FEZ2: variants seen among roughly 807,000 people sequenced by gnomAD.
The protein encoded by FEZ2 is fasciculation and elongation protein zeta 2, also known as fasciculation and elongation protein zeta-2.
In FEZ2, 51 loss-of-function variants were observed where a neutral mutation model predicts 40.4. The ratio of observed to expected loss-of-function variants is 1.26; its 90% CI spans 1.01 to 1.59. FEZ2 has a LOEUF of 1.59. Among genes scored for constraint, FEZ2 ranks in the 40% most tolerant of loss-of-function variants. The pLI is 0.00. For missense variants in FEZ2, 640 were observed against 438.3 expected (o/e 1.46, Z -4.11); for synonymous variants, 242 against 172.0 (o/e 1.41, Z -3.18).
At chr2:36,571,572 T>C (rs1483345521) in intron 5 of FEZ2, among the ~76,000 whole-genome samples, 1 of 151,690 alleles carries the variant, frequency 6.6e-6, no homozygotes, top group Non-Finnish European at 1.5e-5. Context: ...GGAGAACCGC[T>C]TGAACCCAGG....
At chr2:36,577,418 C>T (rs1288581773) in intron 5 of FEZ2, among the ~76,000 whole-genome samples, 5 of 152,094 alleles carry the variant, frequency 3.3e-5, no homozygotes, top group Non-Finnish European at 5.9e-5. Context: ...GCACCACACC[C>T]GGCTAATTTT....
At chr2:36,586,052 G>T (rs1271238928) in intron 2 of FEZ2, among the ~76,000 whole-genome samples, 1 of 151,992 alleles carries the variant, frequency 6.6e-6, no homozygotes, top group Admixed American at 6.5e-5. Context: ...TATGACAGCT[G>T]TTCCTTTAAT....
In FEZ2 at chr2:36,583,235, A is replaced by C. The variant is rs186819040; in HGVS notation, c.492+118T>G. 1.3e-5 allele frequency: 8 copies of C among 635,028 alleles called. No homozygotes were observed. In the South Asian group the frequency reaches 1.5e-4, roughly 12 times the overall value. 39.3% of individuals were successfully genotyped at this position (635,028 alleles called of 1,614,324 possible). A position where few individuals can be genotyped will look rare whatever the true frequency, so the allele number is the denominator to read the frequency against. The stretch of plus-strand genomic sequence containing the variant: ...AAGAGTTAACTATTAAGCCTGTATA[A>C]CCAGAAAAAAATAGGAAAGATAAGT... On this transcript the variant is annotated intron_variant, in intron 3 of 7. Transcript: ENST00000405912.
Position 36,598,021 on chromosome 2 carries a change from CCCGCCTCGGCCCCCGCCT to C in FEZ2, c.104_121del (p.Glu35_Ala40del), listed in dbSNP as rs1426108520. Reference sequence around the variant, plus strand: ...GGCCGGGAAACCGTCGGCGCCCCCACCCGCCTCGGCCCCCGCCTCCGCCCCAGGCTCGGGGCTCGCGTT... The same window carrying C: ...GGCCGGGAAACCGTCGGCGCCCCCACCCGCCCCAGGCTCGGGGCTCGCGTT... On this transcript the variant is annotated inframe_deletion, in exon 1 of 8. Transcript: ENST00000405912. The C allele has an allele frequency of 3.3e-6, 5 of 1,495,124 alleles. No homozygotes were observed. In the Admixed American group the frequency reaches 1.1e-4, roughly 32 times the overall value. 92.6% of individuals were successfully genotyped at this position (1,495,124 alleles called of 1,614,324 possible).
At chr2:36,566,927 A>G (rs1668256786) in intron 5 of FEZ2, among the ~76,000 whole-genome samples, 1 of 149,094 alleles carries the variant, frequency 6.7e-6, no homozygotes, top group Non-Finnish European at 1.5e-5. Context: ...GCAAATTAAA[A>G]ACACACACAT....
chr2:36,564,893 C>T (rs1668190555), intron 5 of FEZ2, among the ~76,000 whole-genome samples: 1 of 152,226 alleles, frequency 6.6e-6, no homozygotes, highest in Non-Finnish European at 1.5e-5. Context: ...TGCAGCAACC[C>T]TGTCTTCTCT....
intron 5 of FEZ2, among the ~76,000 whole-genome samples, chr2:36,564,495 AC>A (rs1427381962): frequency 6.6e-6 from 1 of 152,050 alleles, no homozygotes; most frequent in Non-Finnish European, 1.5e-5. Flanking sequence ...CACCCTCCTG[AC>A]CTTACATTCC....
At chr2:36,571,526 G>A (rs1228082773) in intron 5 of FEZ2, among the ~76,000 whole-genome samples, 3 of 151,878 alleles carry the variant, frequency 2.0e-5, no homozygotes, top group Non-Finnish European at 4.4e-5. Flanking sequence ...TGTGCTGGCG[G>A]GCGCCGTCAT....
intron 1 of FEZ2, among the ~76,000 whole-genome samples, chr2:36,592,949 G>C (rs575287490): frequency 6.6e-6 from 1 of 152,294 alleles, no homozygotes. Flanking sequence ...CTCTCTGTTG[G>C]AATATCTCCT....
At chr2:36,581,564 G>T in intron 3 of FEZ2, 133 bp from the exon 4 acceptor site, 3 of 715,912 alleles carry the variant, frequency 4.2e-6, no homozygotes, top group Admixed American at 3.0e-5. Context: ...GTTCAGGTGT[G>T]GATGCTCCAA....
intron 5 of FEZ2, among the ~76,000 whole-genome samples, chr2:36,577,650 A>C (rs137878753): frequency 6.6e-6 from 1 of 152,344 alleles, no homozygotes; most frequent in African/African-American, 2.4e-5. Context: ...GCTATATGGT[A>C]AGACTCTTTT....
chr2:36,569,116 T>A (rs182957849), intron 5 of FEZ2, among the ~76,000 whole-genome samples: 7 of 152,204 alleles, frequency 4.6e-5, no homozygotes, highest in African/African-American at 1.7e-4. Context: ...TACTCATTTA[T>A]GAAATGGAAA....
chr2:36,594,034 A>C (rs1282295916), intron 1 of FEZ2, among the ~76,000 whole-genome samples: 3 of 152,028 alleles, frequency 2.0e-5, no homozygotes, highest in African/African-American at 7.2e-5. Context: ...TCTCTAGGGC[A>C]GGGGCAAAAT....
chr2:36,597,559 GGTGCCCC>G (rs1669262817), intron 1 of FEZ2, among the ~76,000 whole-genome samples: 1 of 7,518 alleles, frequency 1.3e-4, no homozygotes, highest in Non-Finnish European at 2.2e-4. Context: ...TGCCCCAGGA[GGTGCCCC>G]AGGAGGTGCC....
rs552083853 is a variant in FEZ2 at position 36,585,433 on chromosome 2, G to A, written c.376-1964C>T. On this transcript the variant is annotated intron_variant, in intron 2 of 7. Transcript: ENST00000405912. ...AAGTGAAAATCCCAGAATGATGACT[G>A]TAAAGCTACACTAGAGAGTAACATT... Among the ~76,000 whole-genome samples, 233 of 151,878 alleles carry A rather than the reference G, an allele frequency of 1.5e-3. 2 individuals are homozygous for A. Among genetic ancestry groups the A allele is most frequent in the African/African-American group, 5.4e-3 (225 of 41,506 alleles).
At chr2:36,596,630 AT>A (rs919232844) in intron 1 of FEZ2, among the ~76,000 whole-genome samples, 3 of 151,566 alleles carry the variant, frequency 2.0e-5, no homozygotes, top group Admixed American at 6.6e-5. Flanking sequence ...GACTTCACTA[AT>A]TTTTTTTTAA....
At chr2:36,577,490 G>A (rs1253153917) in intron 5 of FEZ2, among the ~76,000 whole-genome samples, 3 of 152,206 alleles carry the variant, frequency 2.0e-5, no homozygotes, top group African/African-American at 7.2e-5. Context: ...CTGACCTCAG[G>A]TGATCAGCCC....
chr2:36,556,527 A>G (rs1667965417), intron 6 of FEZ2: 2 of 152,348 alleles, frequency 1.3e-5, no homozygotes, highest in South Asian at 4.1e-4. Flanking sequence ...TTCCCCACCA[A>G]TACGACAAGG....
At chr2:36,562,647 TAA>T (rs1012153783) in intron 5 of FEZ2, among the ~76,000 whole-genome samples, 4 of 152,202 alleles carry the variant, frequency 2.6e-5, no homozygotes, top group Non-Finnish European at 5.9e-5. Context: ...AGGCTAGTTA[TAA>T]AACAAAAACC....
Sources: gnomAD v4.1 joint callset for allele counts (sites outside exome capture counted in the v4.1 genomes callset) on GRCh38, gnomAD v4.1.1 for gene constraint, MANE v1.5 for transcripts, NCBI Gene and HGNC (gene_info 2026-07-23, HGNC 2026-07-21) for gene names.